The following PUS7L variants were observed in gnomAD, a reference collection of about 807,000 sequenced individuals.
PUS7L encodes the protein pseudouridine synthase 7 like, also known as pseudouridylate synthase PUS7L.
Under a neutral mutation model 51.1 loss-of-function variants are expected in PUS7L, and 49 were observed. The ratio of observed to expected loss-of-function variants is 0.96; its 90% CI spans 0.76 to 1.22. The LOEUF is 1.22. Ranked by LOEUF, PUS7L falls within the 50% of genes most tolerant of loss-of-function variation. The pLI, the probability that PUS7L is intolerant of heterozygous loss-of-function variation, is 0.00. For missense variants in PUS7L, 828 were observed against 820.6 expected, an observed-to-expected ratio of 1.01 and a Z score of -0.11; for synonymous variants, 277 against 276.2, an observed-to-expected ratio of 1.00 and a Z score of -0.03.
intron 7 of PUS7L, 78 bp from the exon 8 acceptor site, chr12:43,731,836 T>C: frequency 1.2e-6 from 1 of 808,332 alleles, no homozygotes; most frequent in Non-Finnish European, 2.1e-6. Flanking sequence ...TCCCTAACTC[T>C]ATTATATATA....
intron 1 of PUS7L, among the ~76,000 whole-genome samples, chr12:43,756,358 C>T (rs1056753316): frequency 6.6e-6 from 1 of 152,064 alleles, no homozygotes; most frequent in African/African-American, 2.4e-5. Context: ...TTTTTCTTTC[C>T]CACCCATCTA....
intron 6 of PUS7L, chr12:43,738,022 C>T (rs1011423255): frequency 1.5e-5 from 4 of 268,068 alleles, no homozygotes; most frequent in Admixed American, 9.9e-5. Context: ...GTGCCAGATT[C>T]GAATTTGGAA....
intron 5 of PUS7L, chr12:43,738,768 C>G (rs1341944602): frequency 2.0e-5 from 5 of 244,360 alleles, no homozygotes; most frequent in South Asian, 6.5e-5. Context: ...AAACTGTTTC[C>G]AAAAGCAAAA....
chr12:43,750,069 T>C (rs1938369755), intron 2 of PUS7L, among the ~76,000 whole-genome samples: 1 of 152,206 alleles, frequency 6.6e-6, no homozygotes, highest in South Asian at 2.1e-4. Context: ...TAAAATGTGT[T>C]CCTTCCATTT....
Position 43,736,513 on chromosome 12 carries a change from A to C in PUS7L, c.1593T>G (p.Val531=), listed in dbSNP as rs1360619497. 6.8e-6 allele frequency: 11 copies of C among 1,614,102 alleles called. No individual in the cohort carries two copies. Among genetic ancestry groups the C allele is most frequent in the Non-Finnish European group, 7.6e-6 (9 of 1,180,044 alleles). The change falls in exon 7 of 9, where the codon GTT becomes GTG. Residue 531 remains valine, a synonymous_variant. Transcript: ENST00000344862. ...TCCAAATTTTGCTGGTATATGCGTG[A>C]ACATAGAATATGCGCATGGAATGGG... The part of the protein sequence containing the change: ...SLPHSMRIFY[V]HAYTSKIWNE...
intron 4 of PUS7L, 114 bp from the exon 5 acceptor site, chr12:43,742,669 G>T (rs1937960515): frequency 7.2e-7 from 1 of 1,391,892 alleles, no homozygotes; most frequent in Non-Finnish European, 9.3e-7. Flanking sequence ...TCTGTAATCA[G>T]CAGTATACAC....
chr12:43,750,592 C>T (rs1277940486), intron 2 of PUS7L, among the ~76,000 whole-genome samples: 1 of 152,130 alleles, frequency 6.6e-6, no homozygotes, highest in Non-Finnish European at 1.5e-5. Context: ...TTAGAGACTT[C>T]CACTTTGAGC....
At chr12:43,745,612 A>G (rs1218690683) in intron 4 of PUS7L, among the ~76,000 whole-genome samples, 1 of 152,304 alleles carries the variant, frequency 6.6e-6, no homozygotes, top group Admixed American at 6.5e-5. Flanking sequence ...TTTCCTTCAT[A>G]AATCAACCAG....
In PUS7L at chr12:43,728,909, A is replaced by T. The variant is rs1283225574; in HGVS notation, c.*1467T>A. Reference sequence around the variant, plus strand: ...CCCATGAGTTTAAATAACTTTCCCAAGGCTGCAGTGCTATACGTGGCAGTG... The same window carrying T: ...CCCATGAGTTTAAATAACTTTCCCATGGCTGCAGTGCTATACGTGGCAGTG... On this transcript the variant is annotated 3_prime_UTR_variant, in exon 9 of 9. Coordinates refer to ENST00000344862, the MANE Select transcript of PUS7L (RefSeq NM_031292.5). 3 of 242,058 alleles carry T rather than the reference A, an allele frequency of 1.2e-5. No homozygotes were observed. Among genetic ancestry groups the T allele is most frequent in the Non-Finnish European group, 2.4e-5 (3 of 126,892 alleles). The allele number at this position is 242,058 out of a possible 1,614,324, so 15.0% of individuals were successfully genotyped here. A position where few individuals can be genotyped will look rare whatever the true frequency, so the allele number is the denominator to read the frequency against.
intron 1 of PUS7L, 58 bp downstream of exon 1, chr12:43,758,669 ACAC>A (rs1310384562): frequency 1.0e-4 from 42 of 403,534 alleles, no homozygotes; most frequent in Non-Finnish European, 1.1e-4. Context: ...CCCCCCCCAC[ACAC>A]ACACACACAC....
rs538318880 is a variant in PUS7L at position 43,721,946 on chromosome 12, A to G, written c.*8430T>C. ...AACATATAGTCTATTCAGTGTTCCC[A>G]AGGGAAAAATAAATTACCTTCAGGT... On this transcript the variant is annotated 3_prime_UTR_variant, in exon 9 of 9. Coordinates refer to ENST00000344862, the MANE Select transcript of PUS7L (RefSeq NM_031292.5). 9 of 152,318 alleles carry G rather than the reference A, an allele frequency of 5.9e-5. No homozygotes were observed. In the East Asian group the frequency reaches 1.7e-3, roughly 29 times the overall value. The allele number at this position is 152,318 out of a possible 1,614,324, so 9.4% of individuals were successfully genotyped here.
At chr12:43,745,955 A>C (rs1240257656) in intron 4 of PUS7L, 91 bp downstream of exon 4, 1 of 593,270 alleles carries the variant, frequency 1.7e-6, no homozygotes, top group African/African-American at 2.0e-5. Context: ...AAAAAGGTAC[A>C]AAAGAAAAAG....
Position 43,719,420 on chromosome 12 carries a change from G to A in PUS7L, c.*10956C>T, listed in dbSNP as rs1026778369. On this transcript the variant is annotated 3_prime_UTR_variant, in exon 9 of 9. Coordinates refer to ENST00000344862, the MANE Select transcript of PUS7L (RefSeq NM_031292.5). ...GTTGAGGACTTGTGATTAAAGAGGT[G>A]TTCATGAAGGATTTCTTGGTTGCAA... The A allele has an allele frequency of 2.6e-5, 4 of 152,204 alleles. No individual in the cohort carries two copies. Among genetic ancestry groups the A allele is most frequent in the Non-Finnish European group, 5.9e-5 (4 of 68,032 alleles). The allele number at this position is 152,204 out of a possible 1,614,324, so 9.4% of individuals were successfully genotyped here. A position where few individuals can be genotyped will look rare whatever the true frequency, so the allele number is the denominator to read the frequency against.
rs1430092685 is a variant in PUS7L, at chr12:43,742,487, T to C, written c.1332A>G (p.Gln444=). ...FGKGRKVHTD[Q]IGLALLKNEM... ...CATTCTTCAGCAAAGCTAGTCCAAT[T>C]TGGTCTGTGTGAACTTTCCTTCCCT... is the stretch of plus-strand genomic sequence containing the variant. Residue 444 remains glutamine, a synonymous_variant, in exon 5 of 9, where the codon CAA becomes CAG. Transcript: ENST00000344862. The C allele has an allele frequency of 1.2e-5, 20 of 1,610,394 alleles. No individual in the cohort carries two copies. The highest frequency in any genetic ancestry group is 1.7e-4 in the Middle Eastern group (1 of 6,050).
chr12:43,723,274 T>C lies in PUS7L; in HGVS notation c.*7102A>G. The C allele has an allele frequency of 6.6e-6, 1 of 152,120 alleles. No individual in the cohort carries two copies. Among genetic ancestry groups the C allele is most frequent in the East Asian group, 1.9e-4 (1 of 5,196 alleles). 9.4% of individuals were successfully genotyped at this position (152,120 alleles called of 1,614,324 possible). A position where few individuals can be genotyped will look rare whatever the true frequency, so the allele number is the denominator to read the frequency against. ...GAGTCATTTTCTTTACTTAGAGGTATTCTTGACAACCCACACTGAAATTAC... is the reference window on the plus strand; with the variant it reads ...GAGTCATTTTCTTTACTTAGAGGTACTCTTGACAACCCACACTGAAATTAC... On this transcript the variant is annotated 3_prime_UTR_variant, in exon 9 of 9. Coordinates refer to ENST00000344862, the MANE Select transcript of PUS7L (RefSeq NM_031292.5).
chr12:43,737,248 T>C (rs893889289), intron 6 of PUS7L, among the ~76,000 whole-genome samples: 3 of 152,132 alleles, frequency 2.0e-5, no homozygotes, highest in Admixed American at 2.0e-4. Flanking sequence ...ATATGAATGT[T>C]TAAGAATCAT....
chr12:43,750,088 T>C (rs1414398951), intron 2 of PUS7L, among the ~76,000 whole-genome samples: 1 of 152,230 alleles, frequency 6.6e-6, no homozygotes, highest in African/African-American at 2.4e-5. Context: ...TTATTATTTG[T>C]CTTACTTCTA....
chr12:43,730,439 A>G lies in PUS7L; in HGVS notation c.2043T>C (p.Phe681=), dbSNP rs1054401434. ...DETALSLLIS[F]DLDASCYATV... is the part of the protein sequence containing the mutation. The stretch of plus-strand genomic sequence containing the variant: ...TAGCATAGCATGAAGCATCAAGATC[A>G]AAAGAGATCAAAAGAGACAAAGCTG... The change falls in exon 9 of 9, where the codon TTT becomes TTC. Residue 681 remains phenylalanine (F), a synonymous_variant. Coordinates refer to ENST00000344862, the MANE Select transcript of PUS7L (RefSeq NM_031292.5). 7.4e-6 allele frequency: 12 copies of G among 1,613,726 alleles called. No homozygotes were observed. Among genetic ancestry groups the G allele is most frequent in the African/African-American group, 1.3e-5 (1 of 74,936 alleles).
intron 7 of PUS7L, among the ~76,000 whole-genome samples, chr12:43,733,784 C>G (rs1944616491): frequency 1.4e-5 from 2 of 147,272 alleles, no homozygotes. Context: ...TCTTCTCCCC[C>G]ACATGAGGTA....
Sources: gnomAD v4.1 joint callset for allele counts (sites outside exome capture counted in the v4.1 genomes callset) on GRCh38, gnomAD v4.1.1 for gene constraint, MANE v1.5 for transcripts, NCBI Gene and HGNC (gene_info 2026-07-23, HGNC 2026-07-21) for gene names.